Variants in CDH18 observed in about 807,000 individuals in gnomAD.
CDH18 encodes cadherin 18, also known as cadherin-18.
A neutral mutation model predicts 67.9 loss-of-function variants in CDH18; 31 were observed. That is an observed-to-expected ratio of 0.46 (90% CI 0.34 to 0.62). The LOEUF is 0.62. Among genes scored for constraint, CDH18 ranks in the 20% least tolerant of loss-of-function variants. CDH18 has a pLI of 0.01. For missense variants in CDH18, 890 were observed against 975.5 expected, an observed-to-expected ratio of 0.91 and a Z score of 1.17; for synonymous variants, 362 against 347.2, an observed-to-expected ratio of 1.04 and a Z score of -0.48.
At chr5:20,296,507 C>T (rs991562185) in intron 1 of CDH18, among the ~76,000 whole-genome samples, 2 of 151,940 alleles carry the variant, frequency 1.3e-5, no homozygotes, top group Admixed American at 6.6e-5. Flanking sequence ...GTGATCTGCC[C>T]GCTTCAGCCT....
At chr5:20,550,204 A>G (rs965699238) in intron 1 of CDH18, among the ~76,000 whole-genome samples, 25 of 152,188 alleles carry the variant, frequency 1.6e-4, no homozygotes, top group Non-Finnish European at 2.9e-4. Context: ...GGTAATGGTA[A>G]ACTGTTATGC....
At chr5:20,123,212 A>G (rs1232303194) in intron 2 of CDH18, among the ~76,000 whole-genome samples, 1 of 151,394 alleles carries the variant, frequency 6.6e-6, no homozygotes, top group Admixed American at 6.5e-5. Flanking sequence ...GGAAAAGAGT[A>G]GAAGAAGATG....
chr5:20,373,067 C>A (rs551413499), intron 1 of CDH18, among the ~76,000 whole-genome samples: 1 of 152,262 alleles, frequency 6.6e-6, no homozygotes, highest in African/African-American at 2.4e-5. Context: ...AATAAGACAT[C>A]TATTTTTCTT....
Position 20,546,556 on chromosome 5 carries a change from G to C in CDH18, c.-580+28906C>G, listed in dbSNP as rs1262603319. On this transcript the variant is annotated intron_variant, in intron 1 of 14. Coordinates refer to the CDH18 transcript ENST00000507958. ...TATGTGGCAGCAAGAGAGAGTGAGA[G>C]AAGGAAAGTGCCACACTGTTGAATC... Among the ~76,000 whole-genome samples the C allele has an allele frequency of 2.0e-5, 3 of 152,242 alleles. No homozygotes were observed. In the Middle Eastern group the frequency reaches 0.01, roughly 518 times the overall value.
At chr5:20,435,323 CAGT>C (rs1749087960) in intron 1 of CDH18, among the ~76,000 whole-genome samples, 1 of 151,918 alleles carries the variant, frequency 6.6e-6, no homozygotes, top group African/African-American at 2.4e-5. Flanking sequence ...TTTGTACAGC[CAGT>C]ACTAAGAAAA....
chr5:20,205,702 C>A (rs548558810), intron 2 of CDH18, among the ~76,000 whole-genome samples: 2 of 151,746 alleles, frequency 1.3e-5, no homozygotes, highest in South Asian at 4.1e-4. Flanking sequence ...AAATCAATAA[C>A]AAAAGGAAAC....
intron 4 of CDH18, among the ~76,000 whole-genome samples, chr5:19,740,640 C>A (rs1768988714): frequency 6.6e-6 from 1 of 152,084 alleles, no homozygotes; most frequent in African/African-American, 2.4e-5. Flanking sequence ...ATGTGCTTTT[C>A]ATGTGAAAAG....
chr5:20,463,653 C>G (rs1751428709), intron 1 of CDH18, among the ~76,000 whole-genome samples: 1 of 152,124 alleles, frequency 6.6e-6, no homozygotes, highest in African/African-American at 2.4e-5. Context: ...CAGGGTCTTT[C>G]CCACAACACA....
chr5:19,492,549 C>G (rs1332485277), intron 11 of CDH18, among the ~76,000 whole-genome samples: 1 of 152,004 alleles, frequency 6.6e-6, no homozygotes, highest in South Asian at 2.1e-4. Context: ...AAGAAAAAAA[C>G]TACATTTTAA....
At chr5:20,492,945 A>G (rs547230972) in intron 1 of CDH18, among the ~76,000 whole-genome samples, 1 of 152,312 alleles carries the variant, frequency 6.6e-6, no homozygotes, top group South Asian at 2.1e-4. Context: ...AGATAAGCCA[A>G]CATCTGATCA....
chr5:20,364,700 A>G (rs571667314), intron 1 of CDH18, among the ~76,000 whole-genome samples: 1 of 152,322 alleles, frequency 6.6e-6, no homozygotes, highest in East Asian at 1.9e-4. Context: ...AGTGCTCCCC[A>G]TAATGTATAC....
At chr5:20,470,759 T>C (rs1248576689) in intron 1 of CDH18, among the ~76,000 whole-genome samples, 1 of 152,162 alleles carries the variant, frequency 6.6e-6, no homozygotes, top group East Asian at 1.9e-4. Context: ...CACTACAAGT[T>C]CCAGCAATAA....
At chr5:19,972,225 C>T (rs934879708) in intron 2 of CDH18, among the ~76,000 whole-genome samples, 1 of 151,964 alleles carries the variant, frequency 6.6e-6, no homozygotes, top group Non-Finnish European at 1.5e-5. Flanking sequence ...TCACAAGTTG[C>T]AAAGCAAAAT....
At chr5:19,680,078 T>C (rs1173188176) in intron 5 of CDH18, among the ~76,000 whole-genome samples, 1 of 151,722 alleles carries the variant, frequency 6.6e-6, no homozygotes, top group Non-Finnish European at 1.5e-5. Flanking sequence ...TATGGTAATG[T>C]TACAAAAACA....
In CDH18 at chr5:19,896,340, A is replaced by G. The variant is rs114527329; in HGVS notation, c.-256-57098T>C. Reference sequence around the variant, plus strand: ...CTCGAGCCTGGGCAACAAGAGTAAAACTCCCTCTCAAAAAGATAAAAATAA... The same window carrying G: ...CTCGAGCCTGGGCAACAAGAGTAAAGCTCCCTCTCAAAAAGATAAAAATAA... On this transcript the variant is annotated intron_variant, in intron 2 of 12. Coordinates refer to ENST00000382275, the MANE Select transcript of CDH18 (RefSeq NM_004934.5). Among the ~76,000 whole-genome samples the G allele has an allele frequency of 5.7e-3, 873 of 151,896 alleles. 12 individuals are homozygous for G. Among genetic ancestry groups the G allele is most frequent in the African/African-American group, 0.02 (829 of 41,390 alleles).
At chr5:19,715,815 CT>C (rs35593653) in intron 5 of CDH18, among the ~76,000 whole-genome samples, 70,679 of 118,914 alleles carry the variant, frequency 0.59, 19,612 homozygotes, top group East Asian at 0.87. Context: ...TTGTCGATCT[CT>C]TTTTTTTTTT....
Position 20,245,301 on chromosome 5 carries a change from C to A in CDH18, c.-518+10143G>T, listed in dbSNP as rs377300617. On this transcript the variant is annotated intron_variant, in intron 2 of 14. Transcript: ENST00000507958. ...AGCTGTATCAAAAGAGGTTCTAAAT[C>A]ATTTTTATATCCCCATAAATATGCC... 4.6e-5 allele frequency among the ~76,000 whole-genome samples: 7 copies of A among 152,222 alleles called. No homozygotes were observed. In the South Asian group the frequency reaches 1.5e-3, roughly 32 times the overall value.
chr5:20,348,793 C>T (rs745872425), intron 1 of CDH18, among the ~76,000 whole-genome samples: 3 of 152,110 alleles, frequency 2.0e-5, no homozygotes, highest in Non-Finnish European at 4.4e-5. Flanking sequence ...ACAACTTTTG[C>T]AGTCCCATCC....
intron 5 of CDH18, among the ~76,000 whole-genome samples, chr5:19,647,363 A>C (rs1011522973): frequency 1.0e-5 from 1 of 99,098 alleles, no homozygotes; most frequent in Non-Finnish European, 2.7e-5. Context: ...TCTACTAAAA[A>C]TAACAACAAA....
Sources: allele counts gnomAD v4.1 joint callset (sites outside exome capture counted in the v4.1 genomes callset), GRCh38; gene constraint gnomAD v4.1.1; transcripts MANE v1.5; gene names NCBI Gene and HGNC (gene_info 2026-07-23, HGNC 2026-07-21).